The following LRPPRC variants were observed in gnomAD, a reference collection of about 807,000 sequenced individuals.
LRPPRC encodes the protein leucine rich pentatricopeptide repeat containing.
A neutral mutation model predicts 180.3 loss-of-function variants in LRPPRC; 120 were observed. The observed-to-expected ratio is 0.67, with a 90% CI of 0.57 to 0.77. LRPPRC has a LOEUF of 0.77. Ranked by LOEUF, LRPPRC falls within the 30% of genes least tolerant of loss-of-function variation. The pLI, the probability that LRPPRC is intolerant of heterozygous loss-of-function variation, is 0.00. For missense variants in LRPPRC, 2,012 were observed against 1,657.2 expected (o/e 1.21, Z -3.72); for synonymous variants, 723 against 600.0 (o/e 1.21, Z -3.00).
At chr2:43,943,973 C>T in intron 22 of LRPPRC, 79 bp from the exon 23 acceptor site, 2 of 998,948 alleles carry the variant, frequency 2.0e-6, no homozygotes, top group South Asian at 1.3e-5. Flanking sequence ...GCATTTCAAG[C>T]CCAGCAGGAA....
chr2:43,968,250 GC>G (rs1673646084), intron 11 of LRPPRC, among the ~76,000 whole-genome samples: 2 of 152,216 alleles, frequency 1.3e-5, no homozygotes, highest in Non-Finnish European at 2.9e-5. Flanking sequence ...CAGGAACTGT[GC>G]TTCCAGACGC....
intron 18 of LRPPRC, 21 bp downstream of exon 18, chr2:43,948,101 T>C: frequency 6.9e-7 from 1 of 1,450,196 alleles, no homozygotes. Flanking sequence ...TTTATCCAGT[T>C]GATTGCTATT....
At chr2:43,918,174 CTT>C (rs762454318) in intron 28 of LRPPRC, 41 bp from the exon 29 acceptor site, 3 of 1,597,644 alleles carry the variant, frequency 1.9e-6, no homozygotes, top group Non-Finnish European at 2.6e-6. Context: ...AACTGGTAAT[CTT>C]TTCAATATAA....
intron 1 of LRPPRC, among the ~76,000 whole-genome samples, chr2:43,988,184 T>C (rs1572586209): frequency 7.5e-6 from 1 of 132,900 alleles, no homozygotes; most frequent in East Asian, 2.2e-4. Flanking sequence ...AGGGTGCAAG[T>C]GAGCCAAGAT....
At chr2:43,945,935 T>C (rs746911846) in intron 21 of LRPPRC, among the ~76,000 whole-genome samples, 178 bp downstream of exon 21, 4 of 141,012 alleles carry the variant, frequency 2.8e-5, no homozygotes, top group Non-Finnish European at 6.1e-5. Flanking sequence ...GACACCTTGC[T>C]GAACATAAGC....
intron 23 of LRPPRC, among the ~76,000 whole-genome samples, chr2:43,940,446 A>G (rs1363093631): frequency 6.6e-6 from 1 of 152,210 alleles, no homozygotes; most frequent in East Asian, 1.9e-4. Context: ...AGAAATTGTG[A>G]CCTTTATGAA....
In LRPPRC at chr2:43,947,381, G is replaced by T; in HGVS notation, c.1966-11C>A. ...TGTAAGTTGCACAGTCTACAGAAAA[G>T]AAAAAAGAAAAGAAAAATTTCCTGA... On this transcript the variant is annotated splice_polypyrimidine_tract_variant and intron_variant, in intron 19 of 37. Coordinates refer to ENST00000260665, the MANE Select transcript of LRPPRC (RefSeq NM_133259.4). 1.5e-6 allele frequency: 2 copies of T among 1,362,030 alleles called. No homozygotes were observed. The highest frequency in any genetic ancestry group is 2.1e-6 in the Non-Finnish European group (2 of 953,806). 84.4% of individuals were successfully genotyped at this position (1,362,030 alleles called of 1,614,324 possible).
intron 1 of LRPPRC, among the ~76,000 whole-genome samples, chr2:43,995,345 C>G (rs1392011393): frequency 1.3e-5 from 2 of 152,228 alleles, no homozygotes; most frequent in African/African-American, 4.8e-5. Flanking sequence ...TCCCAACCCA[C>G]TCCTCGCCGC....
rs547520123 is a variant in LRPPRC at position 43,907,423 on chromosome 2, T to C, written c.3276-1643A>G. Among the ~76,000 whole-genome samples, 21 of 152,278 alleles carry C rather than the reference T, an allele frequency of 1.4e-4. No homozygotes were observed. The South Asian group carries it at 4.1e-3, about 30-fold the overall frequency. ...CATTTATACAATATAATAAAAGACA[T>C]TAACTTTTCACACCTAATTTTGATC... On this transcript the variant is annotated intron_variant, in intron 30 of 37. Coordinates refer to ENST00000260665, the MANE Select transcript of LRPPRC (RefSeq NM_133259.4).
chr2:43,953,300 A>T (rs1272145232), intron 14 of LRPPRC, among the ~76,000 whole-genome samples: 1 of 152,230 alleles, frequency 6.6e-6, no homozygotes, highest in Non-Finnish European at 1.5e-5. Flanking sequence ...ACATATTCTT[A>T]TGAAAAATGC....
chr2:43,993,691 G>A, intron 1 of LRPPRC, among the ~76,000 whole-genome samples: 1 of 151,724 alleles, frequency 6.6e-6, no homozygotes, highest in East Asian at 1.9e-4. Context: ...ACACACAGTG[G>A]TGAACAAGAC....
intron 14 of LRPPRC, among the ~76,000 whole-genome samples, chr2:43,953,647 G>A (rs1672991152): frequency 6.6e-6 from 1 of 152,148 alleles, no homozygotes; most frequent in Non-Finnish European, 1.5e-5. Flanking sequence ...TTTAAGTCAG[G>A]GGAGACGCAG....
intron 3 of LRPPRC, among the ~76,000 whole-genome samples, chr2:43,978,358 A>G (rs1674149762): frequency 6.6e-6 from 1 of 152,196 alleles, no homozygotes; most frequent in South Asian, 2.1e-4. Context: ...AAACAGGAAA[A>G]TAAAGAAGCC....
chr2:43,983,617 C>T (rs969615785), intron 1 of LRPPRC, among the ~76,000 whole-genome samples: 1 of 152,108 alleles, frequency 6.6e-6, no homozygotes, highest in Non-Finnish European at 1.5e-5. Context: ...TTAGTTACAG[C>T]AGCCACTAAA....
intron 34 of LRPPRC, among the ~76,000 whole-genome samples, chr2:43,897,680 C>T (rs1047651873): frequency 6.6e-6 from 1 of 152,064 alleles, no homozygotes; most frequent in East Asian, 1.9e-4. Flanking sequence ...CACTCAGCTA[C>T]CACCAAGAGC....
intron 34 of LRPPRC, among the ~76,000 whole-genome samples, chr2:43,897,349 C>A (rs1385688229): frequency 6.6e-6 from 1 of 152,150 alleles, no homozygotes; most frequent in East Asian, 1.9e-4. Flanking sequence ...ATAGTAAAAT[C>A]AAATATGGCA....
At chr2:43,968,323 A>G (rs1459425847) in intron 11 of LRPPRC, among the ~76,000 whole-genome samples, 1 of 152,230 alleles carries the variant, frequency 6.6e-6, no homozygotes. Flanking sequence ...GCAAGGCAAT[A>G]TGTGTCGAAG....
At chr2:43,911,883 A>T (rs902544059) in intron 30 of LRPPRC, among the ~76,000 whole-genome samples, 1 of 151,980 alleles carries the variant, frequency 6.6e-6, no homozygotes, top group African/African-American at 2.4e-5. Context: ...CACAAATAAG[A>T]TGTGTTCAGT....
chr2:43,932,187 CAT>C (rs922247877), intron 25 of LRPPRC, among the ~76,000 whole-genome samples: 3 of 123,172 alleles, frequency 2.4e-5, no homozygotes, highest in African/African-American at 6.2e-5. Flanking sequence ...ACATATAACA[CAT>C]GATACATGTA....
Sources: gnomAD v4.1 joint callset for allele counts (sites outside exome capture counted in the v4.1 genomes callset) on GRCh38, gnomAD v4.1.1 for gene constraint, MANE v1.5 for transcripts, NCBI Gene and HGNC (gene_info 2026-07-23, HGNC 2026-07-21) for gene names.